CSGALNACT1: variants seen among roughly 807,000 people sequenced by gnomAD.
The protein encoded by CSGALNACT1 is chondroitin sulfate N-acetylgalactosaminyltransferase 1.
A neutral mutation model predicts 51.0 loss-of-function variants in CSGALNACT1; 52 were observed. That is an observed-to-expected ratio of 1.02 (90% CI 0.82 to 1.29). The LOEUF is 1.29. CSGALNACT1 is among the 50% of genes most tolerant of loss of function. The probability of loss-of-function intolerance (pLI) is 0.00; values close to 1 mark genes in which losing one functional copy is unlikely to be tolerated. For missense variants in CSGALNACT1, 935 were observed against 679.2 expected (o/e 1.38, Z -4.19); for synonymous variants, 341 against 254.4 (o/e 1.34, Z -3.24).
intron 1 of CSGALNACT1, among the ~76,000 whole-genome samples, chr8:19,669,895 A>C (rs968522814): frequency 2.0e-5 from 3 of 152,184 alleles, no homozygotes; most frequent in African/African-American, 7.2e-5. Context: ...TTTCAGTTTC[A>C]TCTCCCAGCC....
chr8:19,523,148 T>C (rs985726397), intron 3 of CSGALNACT1, among the ~76,000 whole-genome samples: 3 of 152,186 alleles, frequency 2.0e-5, no homozygotes, highest in Non-Finnish European at 2.9e-5. Flanking sequence ...TGACCTACAC[T>C]GAAGCAAGCA....
chr8:19,671,820 T>A (rs2059816027), intron 1 of CSGALNACT1, among the ~76,000 whole-genome samples: 1 of 152,160 alleles, frequency 6.6e-6, no homozygotes, highest in Non-Finnish European at 1.5e-5. Context: ...CCTACTGTTT[T>A]ATTGGCTTTT....
At chr8:19,442,361 CAT>C (rs1020318159) in intron 5 of CSGALNACT1, among the ~76,000 whole-genome samples, 6 of 152,068 alleles carry the variant, frequency 3.9e-5, no homozygotes, top group South Asian at 2.1e-4. Context: ...AAATGTGGCA[CAT>C]ATACACCATG....
intron 1 of CSGALNACT1, among the ~76,000 whole-genome samples, chr8:19,738,133 A>T (rs2064098508): frequency 6.6e-6 from 1 of 152,220 alleles, no homozygotes; most frequent in Non-Finnish European, 1.5e-5. Flanking sequence ...AGGCTGAAGC[A>T]AGAGGATCAC....
At chr8:19,543,268 T>C (rs1187971448) in intron 3 of CSGALNACT1, among the ~76,000 whole-genome samples, 3 of 152,188 alleles carry the variant, frequency 2.0e-5, no homozygotes, top group Admixed American at 1.3e-4. Context: ...TCAGGTTCAG[T>C]GTATTTTTGC....
At chr8:19,754,297 G>A (rs899772029) in intron 1 of CSGALNACT1, among the ~76,000 whole-genome samples, 1 of 152,088 alleles carries the variant, frequency 6.6e-6, no homozygotes, top group African/African-American at 2.4e-5. Flanking sequence ...CAAAGCGCTG[G>A]GATTATAGAT....
intron 3 of CSGALNACT1, among the ~76,000 whole-genome samples, chr8:19,552,161 A>G (rs958271717): frequency 1.3e-5 from 2 of 152,236 alleles, no homozygotes; most frequent in Non-Finnish European, 2.9e-5. Context: ...TATACCATGA[A>G]AAGAAGACTA....
intron 1 of CSGALNACT1, among the ~76,000 whole-genome samples, chr8:19,691,422 TAAAACAAACAAAAC>T (rs1457346285): frequency 6.6e-6 from 1 of 152,090 alleles, no homozygotes; most frequent in Non-Finnish European, 1.5e-5. Flanking sequence ...CCCAATTTCT[TAAAACAAACAAAAC>T]AAAACAAAAA....
At chr8:19,693,950 A>AT (rs59904956) in intron 1 of CSGALNACT1, among the ~76,000 whole-genome samples, 70,056 of 151,386 alleles carry the variant, frequency 0.46, 16,345 homozygotes, top group East Asian at 0.61. Flanking sequence ...CATTAAGTGA[A>AT]TTTTTTTTTC....
At chr8:19,525,615 CAAAAAAAAAAAAAAAAAAAAAAA>C (rs34787475) in intron 3 of CSGALNACT1, among the ~76,000 whole-genome samples, 1 of 20,364 alleles carries the variant, frequency 4.9e-5, no homozygotes, top group African/African-American at 1.6e-4. Flanking sequence ...AAACTTGTCC[CAAAAAAAAAAAAAAAAAAAAAAA>C]AAAAAAAAAA....
At chr8:19,620,172 A>G (rs1245425349) in intron 1 of CSGALNACT1, among the ~76,000 whole-genome samples, 4 of 151,914 alleles carry the variant, frequency 2.6e-5, no homozygotes, top group Admixed American at 2.6e-4. Flanking sequence ...AAAATTAGCC[A>G]GGAGTTGAGG....
chr8:19,504,848 C>A (rs2077011780), intron 4 of CSGALNACT1, among the ~76,000 whole-genome samples: 1 of 152,184 alleles, frequency 6.6e-6, no homozygotes, highest in Admixed American at 6.5e-5. Flanking sequence ...TTATTCTGTT[C>A]ATGAGCTTGC....
At chr8:19,677,367 T>G (rs1208447934) in intron 1 of CSGALNACT1, among the ~76,000 whole-genome samples, 2 of 152,162 alleles carry the variant, frequency 1.3e-5, no homozygotes, top group African/African-American at 4.8e-5. Context: ...CACCTCGGCC[T>G]CCCAAAGTGC....
At chr8:19,514,065 T>A (rs2079004512) in intron 3 of CSGALNACT1, among the ~76,000 whole-genome samples, 2 of 152,192 alleles carry the variant, frequency 1.3e-5, no homozygotes. Flanking sequence ...GAGACTTTCA[T>A]TAGCATCTAT....
chr8:19,556,138 G>A (rs908388878), intron 3 of CSGALNACT1, among the ~76,000 whole-genome samples: 9 of 152,152 alleles, frequency 5.9e-5, no homozygotes, highest in Admixed American at 5.9e-4. Context: ...AACACTGTGG[G>A]AGGCTGAGGT....
At chr8:19,425,352 C>A (rs536236850) in intron 6 of CSGALNACT1, among the ~76,000 whole-genome samples, 3 of 152,230 alleles carry the variant, frequency 2.0e-5, no homozygotes, top group African/African-American at 7.2e-5. Flanking sequence ...AAAACACAAA[C>A]AAACCAAAAA....
chr8:19,728,299 G>C (rs551056735), intron 1 of CSGALNACT1, among the ~76,000 whole-genome samples: 1 of 152,172 alleles, frequency 6.6e-6, no homozygotes. Flanking sequence ...CCACAGCCAC[G>C]GTTTAACAAT....
intron 4 of CSGALNACT1, among the ~76,000 whole-genome samples, chr8:19,464,254 C>T (rs917256937): frequency 1.1e-4 from 16 of 152,304 alleles, no homozygotes; most frequent in African/African-American, 3.8e-4. Flanking sequence ...GAAGCATCTG[C>T]CAACCCACAT....
At chr8:19,453,087 C>A (rs1011122944) in intron 5 of CSGALNACT1, among the ~76,000 whole-genome samples, 2 of 152,094 alleles carry the variant, frequency 1.3e-5, no homozygotes, top group Non-Finnish European at 2.9e-5. Flanking sequence ...TCATAGCAAC[C>A]ACATCCCAAG....
Sources: allele counts gnomAD v4.1 joint callset (sites outside exome capture counted in the v4.1 genomes callset), GRCh38; gene constraint gnomAD v4.1.1; transcripts MANE v1.5; gene names NCBI Gene and HGNC (gene_info 2026-07-23, HGNC 2026-07-21).